Variants in MFAP3L observed in about 807,000 individuals in gnomAD.
The protein encoded by MFAP3L is microfibrillar-associated protein 3-like.
In MFAP3L, 5 loss-of-function variants were observed where a neutral mutation model predicts 20.0. The ratio of observed to expected loss-of-function variants is 0.25; its 90% CI spans 0.13 to 0.53. The LOEUF is 0.53. MFAP3L is among the 20% of genes least tolerant of loss of function. MFAP3L has a pLI of 0.96. For synonymous variants in MFAP3L, 219 were observed against 213.0 expected (o/e 1.03, Z -0.25); for missense variants, 409 against 527.5 (o/e 0.78, Z 2.20).
intron 2 of MFAP3L, among the ~76,000 whole-genome samples, chr4:169,998,488 C>CGA (rs2110955328): frequency 6.6e-6 from 1 of 152,302 alleles, no homozygotes; most frequent in Admixed American, 6.5e-5. Flanking sequence ...ACTGTAATCA[C>CGA]AGCTTTTCTC....
chr4:169,996,907 C>T (rs147166233), intron 2 of MFAP3L, among the ~76,000 whole-genome samples: 1 of 152,258 alleles, frequency 6.6e-6, no homozygotes, highest in East Asian at 1.9e-4. Context: ...TCCTCCCCAC[C>T]CCAAGTCCCA....
chr4:169,999,968 G>A (rs977260502), intron 2 of MFAP3L, among the ~76,000 whole-genome samples: 3 of 152,152 alleles, frequency 2.0e-5, no homozygotes, highest in African/African-American at 7.2e-5. Flanking sequence ...CTACCCACTT[G>A]AAGCCAGGAG....
intron 1 of MFAP3L, among the ~76,000 whole-genome samples, chr4:170,013,977 A>T (rs529253368): frequency 1.3e-5 from 2 of 152,350 alleles, no homozygotes; most frequent in East Asian, 3.9e-4. Flanking sequence ...ACACTGATGC[A>T]GGGGCCTTTA....
In MFAP3L at chr4:169,991,381, G is replaced by C. The variant is rs1737652056; in HGVS notation, c.1227C>G (p.Val409=). ...KNTCIIYESH[V] Reference sequence around the variant, plus strand: ...GCATAGCTTTTCGGGGTTGGTATTAGACATGGCTTTCGTAAATAATGCAGG... The same window carrying C: ...GCATAGCTTTTCGGGGTTGGTATTACACATGGCTTTCGTAAATAATGCAGG... Residue 409 remains valine, a synonymous_variant, in exon 3 of 3, where the codon GTC becomes GTG. Transcript: ENST00000361618. The surrounding 1 kb of genome is among the most constrained non-coding windows in gnomAD (Gnocchi z 4.9). The C allele has an allele frequency of 6.2e-7, 1 of 1,613,082 alleles. No homozygotes were observed. Among genetic ancestry groups the C allele is most frequent in the South Asian group, 1.1e-5 (1 of 90,978 alleles).
rs947285794 is a variant in MFAP3L, at chr4:170,005,991, G to A, written c.-114C>T. ...GACAAACCTGTCCTGGGTCCATAGA[G>A]TTGGTACTTGAGCAAGAACCTGTTT... On this transcript the variant is annotated 5_prime_UTR_variant, in exon 2 of 3. Coordinates refer to ENST00000361618, the MANE Select transcript of MFAP3L (RefSeq NM_021647.8). 6 of 1,450,252 alleles carry A rather than the reference G, an allele frequency of 4.1e-6. No individual in the cohort carries two copies. The highest frequency in any genetic ancestry group is 2.3e-4 in the Middle Eastern group (1 of 4,300). The allele number at this position is 1,450,252 out of a possible 1,614,324, so 89.8% of individuals were successfully genotyped here. A position where few individuals can be genotyped will look rare whatever the true frequency, so the allele number is the denominator to read the frequency against.
intron 2 of MFAP3L, chr4:169,997,672 G>A (rs1738279253): frequency 2.0e-6 from 2 of 976,934 alleles, no homozygotes; most frequent in Non-Finnish European, 2.4e-6. Flanking sequence ...TGTTGGCAGT[G>A]GAAAGTGACG....
intron 1 of MFAP3L, 28 bp downstream of exon 1, chr4:170,026,206 C>T (rs1169714457): frequency 2.0e-6 from 2 of 983,998 alleles, no homozygotes; most frequent in South Asian, 4.7e-5. Flanking sequence ...TGCCCCTCCG[C>T]CCCGGCCCGC....
chr4:170,024,777 A>G (rs1021906930), intron 1 of MFAP3L, among the ~76,000 whole-genome samples: 1 of 152,214 alleles, frequency 6.6e-6, no homozygotes, highest in African/African-American at 2.4e-5. Context: ...AGCCAACTCT[A>G]TACTGGGGGA....
At chr4:170,024,409 G>A (rs113207936) in intron 1 of MFAP3L, among the ~76,000 whole-genome samples, 3 of 152,176 alleles carry the variant, frequency 2.0e-5, no homozygotes, top group Non-Finnish European at 2.9e-5. Context: ...AGGCTAAGGG[G>A]AGACTCTAGC....
chr4:170,002,541 C>T (rs555647015), intron 2 of MFAP3L, among the ~76,000 whole-genome samples: 5 of 151,964 alleles, frequency 3.3e-5, no homozygotes, highest in South Asian at 2.1e-4. Context: ...GACAGAGTCT[C>T]GTTCTGTCAC....
At chr4:170,007,752 G>T (rs183713082) in intron 1 of MFAP3L, among the ~76,000 whole-genome samples, 12 of 152,258 alleles carry the variant, frequency 7.9e-5, no homozygotes, top group Non-Finnish European at 1.2e-4. Flanking sequence ...CCCCTTAGGT[G>T]TATTCTGTGG....
rs1738982603 is a variant in MFAP3L, at chr4:170,005,673, TAC to T, written c.203_204del (p.Cys68Ter). The stretch of plus-strand genomic sequence containing the variant: ...TGTGGGTCAGGGATGCCATAAACAC[TAC>T]AGTTAATCAAGGCACTGTTCCCTTC... ...VKEGNSALIN[C>X]SVYGIPDPQF... On this transcript the variant is annotated frameshift_variant, in exon 2 of 3. Transcript: ENST00000361618. LOFTEE classifies it high-confidence loss of function. 6.2e-7 allele frequency: 1 copy of T among 1,614,114 alleles called. No individual in the cohort carries two copies. Among genetic ancestry groups the T allele is most frequent in the Non-Finnish European group, 8.5e-7 (1 of 1,180,034 alleles).
intron 2 of MFAP3L, chr4:170,003,594 T>A: frequency 1.3e-6 from 1 of 743,942 alleles, no homozygotes; most frequent in South Asian, 6.0e-5. Context: ...AGTGCTATGC[T>A]ATTCCCACAG....
intron 1 of MFAP3L, among the ~76,000 whole-genome samples, chr4:170,014,546 G>A (rs962899536): frequency 7.9e-5 from 12 of 152,206 alleles, no homozygotes; most frequent in Admixed American, 3.3e-4. Flanking sequence ...CAGGCTGTGC[G>A]CGCTCTGCCT....
At chr4:169,999,002 A>G (rs143629138) in intron 2 of MFAP3L, among the ~76,000 whole-genome samples, 1 of 152,396 alleles carries the variant, frequency 6.6e-6, no homozygotes, top group East Asian at 1.9e-4. Context: ...ATTTTGTGAA[A>G]TACAGGCTAC....
At chr4:170,021,258 T>C (rs1029344617) in intron 1 of MFAP3L, among the ~76,000 whole-genome samples, 2 of 152,214 alleles carry the variant, frequency 1.3e-5, no homozygotes, top group Non-Finnish European at 2.9e-5. Context: ...AAATGCCATC[T>C]TTCCTTCCCT....
chr4:170,025,684 C>A (rs866726705), intron 1 of MFAP3L, among the ~76,000 whole-genome samples: 4 of 152,142 alleles, frequency 2.6e-5, no homozygotes. Context: ...GAGTCAAATG[C>A]GACAAACTCC....
chr4:170,007,741 C>A (rs1464587644), intron 1 of MFAP3L, among the ~76,000 whole-genome samples: 1 of 152,134 alleles, frequency 6.6e-6, no homozygotes, highest in African/African-American at 2.4e-5. Context: ...GCATGAGCTG[C>A]CCCCTTAGGT....
intron 1 of MFAP3L, among the ~76,000 whole-genome samples, chr4:170,009,081 A>T (rs914236473): frequency 6.6e-6 from 1 of 152,214 alleles, no homozygotes; most frequent in East Asian, 1.9e-4. Context: ...TCTTACAGAC[A>T]GCACCATGAA....
Sources: allele counts gnomAD v4.1 joint callset (sites outside exome capture counted in the v4.1 genomes callset), GRCh38; gene constraint gnomAD v4.1.1; non-coding constraint Gnocchi (gnomAD v3.1); transcripts MANE v1.5; gene names NCBI Gene and HGNC (gene_info 2026-07-23, HGNC 2026-07-21).